Variants in MGMT observed in about 807,000 individuals in gnomAD.
MGMT encodes the protein methylated-DNA--protein-cysteine methyltransferase.
Under a neutral mutation model 15.9 loss-of-function variants are expected in MGMT, and 14 were observed. The ratio of observed to expected loss-of-function variants is 0.88; its 90% CI spans 0.58 to 1.37. The LOEUF (loss-of-function observed/expected upper bound fraction) is 1.37, where lower values mean the gene tolerates loss of function less well. Among genes scored for constraint, MGMT ranks in the 40% most tolerant of loss-of-function variants. MGMT has a pLI of 0.00. For synonymous variants in MGMT, 130 were observed against 118.2 expected (o/e 1.10, Z -0.65); for missense variants, 282 against 268.1 (o/e 1.05, Z -0.36).
intron 2 of MGMT, among the ~76,000 whole-genome samples, chr10:129,675,050 CAAGT>C (rs1030814719): frequency 1.7e-4 from 26 of 152,178 alleles, no homozygotes; most frequent in African/African-American, 6.3e-4. Context: ...CCACGTGGAA[CAAGT>C]AAGAGCTCAC....
At chr10:129,765,795 A>G (rs549892604) in intron 4 of MGMT, among the ~76,000 whole-genome samples, 52 of 152,160 alleles carry the variant, frequency 3.4e-4, no homozygotes, top group African/African-American at 1.2e-3. Context: ...GTCGGTGGTC[A>G]GTGACTCATT....
At chr10:129,637,753 T>C (rs1847278608) in intron 2 of MGMT, among the ~76,000 whole-genome samples, 2 of 152,140 alleles carry the variant, frequency 1.3e-5, no homozygotes, top group Non-Finnish European at 2.9e-5. Flanking sequence ...AGGGCACAGA[T>C]ATACCATAGG....
chr10:129,615,052 A>T (rs1431410097), intron 2 of MGMT, among the ~76,000 whole-genome samples: 2 of 150,744 alleles, frequency 1.3e-5, no homozygotes, highest in Non-Finnish European at 3.0e-5. Context: ...TGGAATTTTG[A>T]GGGGTGGGGA....
intron 2 of MGMT, among the ~76,000 whole-genome samples, chr10:129,684,649 A>G (rs1847886472): frequency 1.3e-5 from 2 of 152,226 alleles, no homozygotes; most frequent in African/African-American, 4.8e-5. Flanking sequence ...AAAAATCAGA[A>G]TGGAGCCTTG....
At chr10:129,508,109 A>G (rs532347227) in intron 1 of MGMT, among the ~76,000 whole-genome samples, 1 of 152,270 alleles carries the variant, frequency 6.6e-6, no homozygotes, top group South Asian at 2.1e-4. Context: ...GACCTCTGGT[A>G]CAGCCCAGTA....
intron 3 of MGMT, among the ~76,000 whole-genome samples, chr10:129,731,135 C>T (rs34193113): frequency 0.23 from 35,505 of 151,970 alleles, 4,889 homozygotes; most frequent in East Asian, 0.43. Flanking sequence ...GCTCTGAGGT[C>T]GTGTTCTGGC....
At chr10:129,555,971 C>T (rs1340615864) in intron 2 of MGMT, among the ~76,000 whole-genome samples, 2 of 152,158 alleles carry the variant, frequency 1.3e-5, no homozygotes, top group Non-Finnish European at 2.9e-5. Flanking sequence ...TGGACCTCCT[C>T]AAAACGGGGC....
chr10:129,524,007 G>A (rs934533875), intron 1 of MGMT, among the ~76,000 whole-genome samples: 3 of 152,222 alleles, frequency 2.0e-5, no homozygotes, highest in Non-Finnish European at 4.4e-5. Flanking sequence ...TTGATGGCAA[G>A]TGTCCATTGT....
At chr10:129,623,668 A>G (rs534316648) in intron 2 of MGMT, among the ~76,000 whole-genome samples, 20 of 152,110 alleles carry the variant, frequency 1.3e-4, no homozygotes, top group Non-Finnish European at 2.6e-4. Flanking sequence ...AGCTGGGACT[A>G]CATACGTGCA....
chr10:129,719,030 G>A (rs1428798979), intron 3 of MGMT, among the ~76,000 whole-genome samples: 1 of 151,156 alleles, frequency 6.6e-6, no homozygotes, highest in African/African-American at 2.4e-5. Context: ...GTCTAGAGCC[G>A]GTCCGTCTGC....
chr10:129,583,627 A>G (rs1320016901), intron 2 of MGMT, among the ~76,000 whole-genome samples: 1 of 152,036 alleles, frequency 6.6e-6, no homozygotes, highest in Non-Finnish European at 1.5e-5. Flanking sequence ...ATTGCATCTG[A>G]TACATCCCCC....
At chr10:129,472,113 G>A (rs1360554553) in intron 1 of MGMT, among the ~76,000 whole-genome samples, 1 of 152,076 alleles carries the variant, frequency 6.6e-6, no homozygotes, top group Non-Finnish European at 1.5e-5. Context: ...CCCCCTCTGG[G>A]TCAAGGCATT....
chr10:129,725,307 GC>G (rs913212202), intron 3 of MGMT, among the ~76,000 whole-genome samples: 2 of 152,230 alleles, frequency 1.3e-5, no homozygotes, highest in African/African-American at 4.8e-5. Context: ...ACCCTGCCCA[GC>G]CCCTCGCTGC....
At chr10:129,682,541 T>A (rs1247657374) in intron 2 of MGMT, among the ~76,000 whole-genome samples, 1 of 152,110 alleles carries the variant, frequency 6.6e-6, no homozygotes, top group Admixed American at 6.5e-5. Flanking sequence ...TTCAGTATCC[T>A]GTCTGGGGTT....
chr10:129,638,429 C>CAAAAAAAAAAAAAAAAAAAAAA lies in MGMT; in HGVS notation c.126-69450_126-69449insAAAAAAAAAAAAAAAAAAAAAA. Reference sequence around the variant, plus strand: ...GAAGTCCAAGAGAGGACCAAAGAGGCAAAAAAAAAAAAAAAAGAAAAAAAA... The same window carrying CAAAAAAAAAAAAAAAAAAAAAA: ...GAAGTCCAAGAGAGGACCAAAGAGGCAAAAAAAAAAAAAAAAAAAAAAAAAAAAAAAAAAAAAAGAAAAAAAA... On this transcript the variant is annotated intron_variant, in intron 2 of 4. Transcript: ENST00000651593. Among the ~76,000 whole-genome samples the CAAAAAAAAAAAAAAAAAAAAAA allele has an allele frequency of 2.4e-3, 147 of 61,598 alleles. 12 individuals are homozygous for CAAAAAAAAAAAAAAAAAAAAAA. The highest frequency in any genetic ancestry group is 3.2e-3 in the Non-Finnish European group (97 of 30,628). 40.4% of individuals were successfully genotyped at this position (61,598 alleles called of 152,430 possible). A position where few individuals can be genotyped will look rare whatever the true frequency, so the allele number is the denominator to read the frequency against.
In MGMT at chr10:129,581,400, G is replaced by A. The variant is rs561990976; in HGVS notation, c.125+45023G>A. On this transcript the variant is annotated intron_variant, in intron 2 of 4. Coordinates refer to ENST00000651593, the MANE Select transcript of MGMT (RefSeq NM_002412.5). ...CCGGTGGCAGTCCTTGGAGAACAGG[G>A]CCCCAGGTCTTTCTGACCCCACATC... Among the ~76,000 whole-genome samples the A allele has an allele frequency of 4.0e-3, 610 of 152,240 alleles. 5 individuals are homozygous for A. Among genetic ancestry groups the A allele is most frequent in the African/African-American group, 0.014 (587 of 41,542 alleles).
chr10:129,576,826 A>C (rs1846489169), intron 2 of MGMT, among the ~76,000 whole-genome samples: 1 of 152,240 alleles, frequency 6.6e-6, no homozygotes, highest in South Asian at 2.1e-4. Flanking sequence ...CTGATAAGCA[A>C]CTTCAGCAAA....
intron 1 of MGMT, among the ~76,000 whole-genome samples, chr10:129,523,546 T>C (rs1845836149): frequency 1.3e-5 from 2 of 152,302 alleles, no homozygotes; most frequent in African/African-American, 4.8e-5. Context: ...CCCATGCTGC[T>C]GGGAGGGCCG....
chr10:129,650,934 T>C (rs1847450329), intron 2 of MGMT, among the ~76,000 whole-genome samples: 1 of 152,208 alleles, frequency 6.6e-6, no homozygotes, highest in South Asian at 2.1e-4. Context: ...CCAGGACTTT[T>C]TCTGGCAGTG....
Sources: allele counts gnomAD v4.1 joint callset (sites outside exome capture counted in the v4.1 genomes callset), GRCh38; gene constraint gnomAD v4.1.1; transcripts MANE v1.5; gene names NCBI Gene and HGNC (gene_info 2026-07-23, HGNC 2026-07-21).